SF3B3: variants seen among roughly 807,000 people sequenced by gnomAD.
The protein encoded by SF3B3 is splicing factor 3b subunit 3, also known as SAP 130.
A neutral mutation model predicts 139.2 loss-of-function variants in SF3B3; 33 were observed. The ratio of observed to expected loss-of-function variants is 0.24; its 90% CI spans 0.18 to 0.32. The LOEUF is 0.32. Among genes scored for constraint, SF3B3 ranks in the 10% least tolerant of loss-of-function variants. SF3B3 has a pLI of 1.00. For missense variants in SF3B3, 818 were observed against 1,509.4 expected (o/e 0.54, Z 7.59); for synonymous variants, 596 against 563.6 (o/e 1.06, Z -0.81).
chr16:70,550,203 A>G (rs1280070799), intron 11 of SF3B3: 1 of 152,122 alleles, frequency 6.6e-6, no homozygotes, highest in East Asian at 2.0e-4. Context: ...CTTGCCATCT[A>G]AAAAAAGAAG....
chr16:70,538,118 T>C (rs776844272), intron 6 of SF3B3: 13 of 716,116 alleles, frequency 1.8e-5, no homozygotes, highest in Admixed American at 3.6e-5. Context: ...ATTGGGACTC[T>C]TTTGGTTACC....
Position 70,572,172 on chromosome 16 carries a change from T to C in SF3B3, c.*359T>C, listed in dbSNP as rs747546347. 6 of 472,436 alleles carry C rather than the reference T, an allele frequency of 1.3e-5. No individual in the cohort carries two copies. The highest frequency in any genetic ancestry group is 2.0e-5 in the African/African-American group (1 of 50,772). The allele number at this position is 472,436 out of a possible 1,614,324, so 29.3% of individuals were successfully genotyped here. On this transcript the variant is annotated 3_prime_UTR_variant, in exon 26 of 26. Transcript: ENST00000302516. ...AATTGGTTTTCTTGTAAATACAGTTTTGTACAATGTTATCTCTGTGGGAGG... is the reference window on the plus strand; with the variant it reads ...AATTGGTTTTCTTGTAAATACAGTTCTGTACAATGTTATCTCTGTGGGAGG...
Position 70,531,888 on chromosome 16 carries a change from T to C in SF3B3, c.571-591T>C, listed in dbSNP as rs114916079. On this transcript the variant is annotated intron_variant, in intron 4 of 25. Transcript: ENST00000302516. ...TCGTTCTAGCTCTGCCATTATCTTA[T>C]AGCATAAACTTTGTCAAACTATTTG... is the stretch of plus-strand genomic sequence containing the variant. 7.4e-3 allele frequency among the ~76,000 whole-genome samples: 1,127 copies of C among 152,380 alleles called. 14 individuals are homozygous for C. Among genetic ancestry groups the C allele is most frequent in the African/African-American group, 0.025 (1,056 of 41,594 alleles).
At chr16:70,547,061 G>A (rs1036567667) in intron 10 of SF3B3, among the ~76,000 whole-genome samples, 3 of 152,056 alleles carry the variant, frequency 2.0e-5, no homozygotes, top group East Asian at 1.9e-4. Flanking sequence ...ATTGTTGAAC[G>A]TTGCTTTATT....
chr16:70,553,893 G>A (rs192232170), intron 11 of SF3B3, among the ~76,000 whole-genome samples: 1 of 152,256 alleles, frequency 6.6e-6, no homozygotes, highest in East Asian at 1.9e-4. Flanking sequence ...CCATTTCCTG[G>A]TTATCTAGTT....
At chr16:70,527,436 C>G (rs888191991) in intron 2 of SF3B3, among the ~76,000 whole-genome samples, 2 of 152,136 alleles carry the variant, frequency 1.3e-5, no homozygotes, top group African/African-American at 4.8e-5. Context: ...TAGAGTAAGA[C>G]ATAATTTTGT....
Position 70,572,103 on chromosome 16 carries a change from T to A in SF3B3, c.*290T>A, listed in dbSNP as rs892352662. ...CCCCAAAGCCATCCCTGCATTGATA[T>A]GTCTTGACTCTCCTGTCTACTTTTG... On this transcript the variant is annotated 3_prime_UTR_variant, in exon 26 of 26. Coordinates refer to ENST00000302516, the MANE Select transcript of SF3B3 (RefSeq NM_012426.5). 5.1e-6 allele frequency: 3 copies of A among 584,352 alleles called. No homozygotes were observed. Among genetic ancestry groups the A allele is most frequent in the East Asian group, 7.7e-5 (2 of 26,034 alleles). 36.2% of individuals were successfully genotyped at this position (584,352 alleles called of 1,614,324 possible).
At chr16:70,548,978 T>A (rs981175664) in intron 11 of SF3B3, among the ~76,000 whole-genome samples, 8 of 152,142 alleles carry the variant, frequency 5.3e-5, no homozygotes, top group African/African-American at 1.9e-4. Context: ...AGAAGGGAGT[T>A]TGAGCTCCTG....
chr16:70,553,566 G>A (rs1448887112), intron 11 of SF3B3, among the ~76,000 whole-genome samples: 2 of 151,664 alleles, frequency 1.3e-5, no homozygotes, highest in East Asian at 3.9e-4. Context: ...TAAAAAATTA[G>A]CATGCCTTTA....
At chr16:70,532,711 A>G in intron 5 of SF3B3, 91 bp downstream of exon 5, 1 of 1,306,024 alleles carries the variant, frequency 7.7e-7, no homozygotes, top group Non-Finnish European at 1.1e-6. Flanking sequence ...TTTGGGAATT[A>G]ATCCATTTGT....
At chr16:70,531,437 C>T (rs930843079) in intron 4 of SF3B3, among the ~76,000 whole-genome samples, 3 of 152,098 alleles carry the variant, frequency 2.0e-5, no homozygotes, top group Non-Finnish European at 4.4e-5. Flanking sequence ...CCACAACGCC[C>T]AGCTAATTTT....
Position 70,561,776 on chromosome 16 carries a change from C to T in SF3B3, c.2280C>T (p.Asn760=). 3 of 1,613,848 alleles carry T rather than the reference C, an allele frequency of 1.9e-6. No individual in the cohort carries two copies. The highest frequency in any genetic ancestry group is 1.1e-5 in the South Asian group (1 of 91,054). ...AGGGCATTGTGGCCATCTCCACCAA[C>T]ACCCTACGGTGAGTGAGTCTCATGT... ...CPEGIVAIST[N]TLRILALEKL... is the part of the protein sequence containing the mutation. Residue 760 remains asparagine, a synonymous_variant, in exon 17 of 26, where the codon AAC becomes AAT. Transcript: ENST00000302516.
In SF3B3 at chr16:70,556,437, C is replaced by T. The variant is rs2050380375; in HGVS notation, c.1866+103C>T. 9.7e-6 allele frequency: 13 copies of T among 1,343,846 alleles called. No homozygotes were observed. In the South Asian group the frequency reaches 1.6e-4, roughly 17 times the overall value. The allele number at this position is 1,343,846 out of a possible 1,614,324, so 83.2% of individuals were successfully genotyped here. On this transcript the variant is annotated intron_variant, in intron 14 of 25. Coordinates refer to ENST00000302516, the MANE Select transcript of SF3B3 (RefSeq NM_012426.5). The stretch of plus-strand genomic sequence containing the variant: ...CACTCCTGATGTCTATCTCTGAGAT[C>T]AGCTGGGTTAGAACCCAGAATCCAT...
intron 6 of SF3B3, chr16:70,537,986 T>G (rs759857598): frequency 1.9e-6 from 1 of 534,748 alleles, no homozygotes. Context: ...CAGGGTAATT[T>G]GGATGGAGCA....
At chr16:70,542,752 C>T (rs1201673426) in intron 9 of SF3B3, among the ~76,000 whole-genome samples, 2 of 146,258 alleles carry the variant, frequency 1.4e-5, no homozygotes, top group African/African-American at 5.1e-5. Flanking sequence ...GATGGAGTCT[C>T]GCTCTGTTGC....
intron 2 of SF3B3, chr16:70,527,121 G>A: frequency 5.6e-6 from 1 of 179,198 alleles, no homozygotes; most frequent in East Asian, 1.6e-4. Context: ...GGGAAGGTTG[G>A]ACCTTGGTTT....
chr16:70,550,342 C>A (rs2050310853), intron 11 of SF3B3: 2 of 150,676 alleles, frequency 1.3e-5, no homozygotes, highest in African/African-American at 4.8e-5. Context: ...CATTTGCTAA[C>A]TTAGTGATAG....
intron 6 of SF3B3, 51 bp from the exon 7 acceptor site, chr16:70,538,272 A>T (rs2050187341): frequency 6.4e-7 from 1 of 1,552,488 alleles, no homozygotes; most frequent in Non-Finnish European, 8.9e-7. Flanking sequence ...GAATTCCAGA[A>T]CTAAGAAGTA....
At chr16:70,538,826 T>C (rs1399811973) in intron 7 of SF3B3, among the ~76,000 whole-genome samples, 2 of 152,190 alleles carry the variant, frequency 1.3e-5, no homozygotes, top group Non-Finnish European at 2.9e-5. Flanking sequence ...GCTGTTTGGA[T>C]CAGGAATTGG....
Sources: gnomAD v4.1 joint callset for allele counts (sites outside exome capture counted in the v4.1 genomes callset) on GRCh38, gnomAD v4.1.1 for gene constraint, MANE v1.5 for transcripts, NCBI Gene and HGNC (gene_info 2026-07-23, HGNC 2026-07-21) for gene names.